Variants in YTHDC1 observed in about 807,000 individuals in gnomAD.
YTHDC1 encodes the protein YTH domain-containing protein 1.
Under a neutral mutation model 107.0 loss-of-function variants are expected in YTHDC1, and 12 were observed. That is an observed-to-expected ratio of 0.11 (90% confidence interval 0.07 to 0.18). The LOEUF is 0.18. Among genes scored for constraint, YTHDC1 ranks in the 10% least tolerant of loss-of-function variants. YTHDC1 has a pLI of 1.00. For synonymous variants in YTHDC1, 280 were observed against 289.5 expected, an observed-to-expected ratio of 0.97 and a Z score of 0.33; for missense variants, 635 against 898.8, an observed-to-expected ratio of 0.71 and a Z score of 3.75.
chr4:68,346,342 G>A (rs1014456272), intron 1 of YTHDC1, among the ~76,000 whole-genome samples: 1 of 152,054 alleles, frequency 6.6e-6, no homozygotes, highest in Non-Finnish European at 1.5e-5. Flanking sequence ...GCAGTGAGCC[G>A]TGACTGCTCC....
intron 2 of YTHDC1, 61 bp downstream of exon 2, chr4:68,338,222 G>A: frequency 1.4e-6 from 2 of 1,445,294 alleles, no homozygotes; most frequent in Non-Finnish European, 1.9e-6. Context: ...TTTTTTTTAA[G>A]AAATTGAATC....
chr4:68,316,526 A>G, intron 15 of YTHDC1, 78 bp from the exon 16 acceptor site: 1 of 1,506,292 alleles, frequency 6.6e-7, no homozygotes, highest in Non-Finnish European at 9.0e-7. Context: ...CCTTCATCCA[A>G]AACACCAATC....
In YTHDC1 at chr4:68,314,197, C is replaced by A. The variant is rs1433985582; in HGVS notation, c.2086G>T (p.Asp696Tyr). Residue 696 changes from aspartate (D) to tyrosine (Y), a missense_variant, in exon 17 of 17, where the codon GAC becomes TAC. Around this residue, in one of 5 missense-constraint regions of YTHDC1, gnomAD observed 256 missense variants for 372.9 expected, o/e 0.69. Coordinates refer to ENST00000344157, the MANE Select transcript of YTHDC1 (RefSeq NM_001031732.4). ...TCACGTCCTCTATCTCGCTCTCTGT[C>A]TCGTCTGTTATCTCTAGGGCGGTCT... Reference protein sequence around the residue: ...ERDRPRDNRRDRERDRGRDRE... With the variant: ...ERDRPRDNRRYRERDRGRDRE... 6.2e-7 allele frequency: 1 copy of A among 1,613,630 alleles called. No individual in the cohort carries two copies.
intron 4 of YTHDC1, among the ~76,000 whole-genome samples, chr4:68,334,454 G>GGGT (rs778647785): frequency 6.6e-6 from 1 of 151,038 alleles, no homozygotes; most frequent in African/African-American, 2.4e-5. Context: ...AACTAGACTA[G>GGGT]GGTCCCACAG....
intron 1 of YTHDC1, among the ~76,000 whole-genome samples, chr4:68,346,416 C>T (rs146396676): frequency 6.6e-6 from 1 of 152,214 alleles, no homozygotes; most frequent in African/African-American, 2.4e-5. Flanking sequence ...ATACAGTAGT[C>T]CCTCACTTAT....
chr4:68,319,282 GTA>G (rs938066485), intron 12 of YTHDC1, among the ~76,000 whole-genome samples: 2 of 152,088 alleles, frequency 1.3e-5, no homozygotes, highest in Non-Finnish European at 2.9e-5. Context: ...TTTTTAAAAT[GTA>G]AACTTAAGGG....
At chr4:68,332,893 G>A in intron 5 of YTHDC1, 46 bp from the exon 6 acceptor site, 2 of 1,528,368 alleles carry the variant, frequency 1.3e-6, no homozygotes, top group Non-Finnish European at 1.8e-6. Context: ...CTTTAATAGA[G>A]ATAAGACAAA....
chr4:68,343,596 C>A (rs1725099416), intron 1 of YTHDC1, among the ~76,000 whole-genome samples: 1 of 144,212 alleles, frequency 6.9e-6, no homozygotes, highest in African/African-American at 2.6e-5. Flanking sequence ...AGTGCAGTGA[C>A]ATGATCTCAA....
chr4:68,324,148 A>G lies in YTHDC1; in HGVS notation c.1425T>C (p.Arg475=). The change falls in exon 10 of 17, where the codon CGT becomes CGC. Residue 475 remains arginine, a synonymous_variant. Transcript: ENST00000344157. ...AATTAAGGCCACAAACCTGTCCATC[A>G]CGTCCGATCTTTACTGGTTTATGTT... is the stretch of plus-strand genomic sequence containing the variant. ...WNEHKPVKIG[R]DGQEIELECG... 6.2e-7 allele frequency: 1 copy of G among 1,613,320 alleles called. No individual in the cohort carries two copies. Among genetic ancestry groups the G allele is most frequent in the African/African-American group, 1.3e-5 (1 of 75,010 alleles).
intron 9 of YTHDC1, among the ~76,000 whole-genome samples, chr4:68,324,671 G>A (rs111695805): frequency 6.6e-6 from 1 of 152,172 alleles, no homozygotes; most frequent in Admixed American, 6.5e-5. Context: ...AATGAAAATA[G>A]AAGTGTCCCT....
At chr4:68,333,595 T>C (rs1723829545) in intron 4 of YTHDC1, among the ~76,000 whole-genome samples, 198 bp from the exon 5 acceptor site, 1 of 152,170 alleles carries the variant, frequency 6.6e-6, no homozygotes, top group Non-Finnish European at 1.5e-5. Context: ...CTTGTTTCTT[T>C]CATCAGTTTC....
chr4:68,338,273 T>A lies in YTHDC1; in HGVS notation c.130+10A>T, dbSNP rs747878972. 3 of 1,587,942 alleles carry A rather than the reference T, an allele frequency of 1.9e-6. No homozygotes were observed. Among genetic ancestry groups the A allele is most frequent in the Non-Finnish European group, 2.6e-6 (3 of 1,165,152 alleles). On this transcript the variant is annotated intron_variant, in intron 2 of 16. Coordinates refer to ENST00000344157, the MANE Select transcript of YTHDC1 (RefSeq NM_001031732.4). ...GTTATTTCAACAAAAATAATAGAAC[T>A]CTTACATACCCTTTTTCTCATTTTT...
intron 1 of YTHDC1, among the ~76,000 whole-genome samples, chr4:68,345,721 G>C (rs1055383888): frequency 1.3e-5 from 2 of 152,012 alleles, no homozygotes; most frequent in African/African-American, 4.8e-5. Flanking sequence ...CCAAACTAAA[G>C]TGAACCAAGA....
chr4:68,337,482 C>G (rs1724318239), intron 3 of YTHDC1, 32 bp from the exon 4 acceptor site: 2 of 1,606,978 alleles, frequency 1.2e-6, no homozygotes, highest in Non-Finnish European at 1.7e-6. Context: ...AATCAGCAGT[C>G]ATATAAAAGA....
At chr4:68,327,034 C>T (rs1723065757) in intron 9 of YTHDC1, among the ~76,000 whole-genome samples, 3 of 150,268 alleles carry the variant, frequency 2.0e-5, no homozygotes, top group South Asian at 2.1e-4. Context: ...GTCGGGAGTT[C>T]GAGACCAGCC....
Position 68,311,326 on chromosome 4 carries a change from T to C in YTHDC1, c.*2773A>G, listed in dbSNP as rs1415318800. The stretch of plus-strand genomic sequence containing the variant: ...AAAAAAGCCATTATGGAGGAAATCA[T>C]TATGGAGGAAATCAAATCCAAAAAT... On this transcript the variant is annotated 3_prime_UTR_variant, in exon 17 of 17. Coordinates refer to ENST00000344157, the MANE Select transcript of YTHDC1 (RefSeq NM_001031732.4). The C allele has an allele frequency of 1.3e-5, 2 of 151,572 alleles. No homozygotes were observed. Among genetic ancestry groups the C allele is most frequent in the Non-Finnish European group, 2.9e-5 (2 of 67,886 alleles). The allele number at this position is 151,572 out of a possible 1,614,324, so 9.4% of individuals were successfully genotyped here.
intron 1 of YTHDC1, among the ~76,000 whole-genome samples, chr4:68,340,132 T>C (rs574307171): frequency 1.3e-5 from 2 of 152,272 alleles, no homozygotes; most frequent in Non-Finnish European, 2.9e-5. Flanking sequence ...GAAAGGTCTA[T>C]TAATTAACCT....
chr4:68,323,905 A>G (rs1212267326), intron 10 of YTHDC1, among the ~76,000 whole-genome samples: 1 of 152,236 alleles, frequency 6.6e-6, no homozygotes, highest in South Asian at 2.1e-4. Flanking sequence ...CTCTTTAGAA[A>G]TATTTCCTTC....
rs762972867 is a variant in YTHDC1, at chr4:68,333,415, T to A, written c.884-18A>T. The stretch of plus-strand genomic sequence containing the variant: ...TTTCTCATCTAAAAAGAACAAGAGT[T>A]TTTTTTTTAAATCACAATACAGAAA... On this transcript the variant is annotated intron_variant, in intron 4 of 16. Coordinates refer to ENST00000344157, the MANE Select transcript of YTHDC1 (RefSeq NM_001031732.4). 80 of 1,561,620 alleles carry A rather than the reference T, an allele frequency of 5.1e-5. 1 individual carries two copies. In the Middle Eastern group the frequency reaches 6.9e-4, roughly 13 times the overall value.
Sources: allele counts gnomAD v4.1 joint callset (sites outside exome capture counted in the v4.1 genomes callset), GRCh38; gene constraint gnomAD v4.1.1; regional missense constraint gnomAD v4.1.1; transcripts MANE v1.5; gene names NCBI Gene and HGNC (gene_info 2026-07-23, HGNC 2026-07-21).